Variants in PPP1R1C observed in about 807,000 individuals in gnomAD.
PPP1R1C encodes the protein protein phosphatase 1 regulatory subunit 1C.
Under a neutral mutation model 17.4 loss-of-function variants are expected in PPP1R1C, and 15 were observed. The observed-to-expected ratio is 0.86, with a 90% CI of 0.58 to 1.33. The LOEUF is 1.33. Among genes scored for constraint, PPP1R1C ranks in the 40% most tolerant of loss-of-function variants. The pLI, the probability that PPP1R1C is intolerant of heterozygous loss-of-function variation, is 0.00. For synonymous variants in PPP1R1C, 35 were observed against 43.1 expected (o/e 0.81, Z 0.73); for missense variants, 143 against 130.0 (o/e 1.10, Z -0.48).
At chr2:182,124,328 T>TTTTTTTTTTTTG (rs1689817983) in intron 5 of PPP1R1C, among the ~76,000 whole-genome samples, 6 of 55,632 alleles carry the variant, frequency 1.1e-4, no homozygotes, top group Admixed American at 5.6e-4. Flanking sequence ...TTTTTTTTTG[T>TTTTTTTTTTTTG]TTTTTTTTTT....
intron 4 of PPP1R1C, among the ~76,000 whole-genome samples, chr2:182,076,642 C>T (rs1688322304): frequency 6.6e-6 from 1 of 151,988 alleles, no homozygotes; most frequent in Non-Finnish European, 1.5e-5. Context: ...ACCATTATTC[C>T]TTGATGTAAT....
Position 182,054,363 on chromosome 2 carries a change from T to C in PPP1R1C, c.143-7079T>C, listed in dbSNP as rs941031590. On this transcript the variant is annotated intron_variant, in intron 2 of 4. Coordinates refer to ENST00000682840, the MANE Select transcript of PPP1R1C (RefSeq NM_001080545.3). ...ATTTTATCTCTTATGTAGATTTGTA[T>C]ACCTACTATGGCAATCAAATAGAAT... 3.9e-5 allele frequency among the ~76,000 whole-genome samples: 6 copies of C among 152,186 alleles called. No individual in the cohort carries two copies. The East Asian group carries it at 9.6e-4, about 24-fold the overall frequency.
chr2:182,033,072 C>G (rs1248469582), intron 2 of PPP1R1C, among the ~76,000 whole-genome samples: 2 of 152,120 alleles, frequency 1.3e-5, no homozygotes, highest in South Asian at 2.1e-4. Context: ...CCAATAATTG[C>G]CAAATCCAGT....
At chr2:182,014,630 C>A (rs550964979) in intron 2 of PPP1R1C, among the ~76,000 whole-genome samples, 1 of 151,768 alleles carries the variant, frequency 6.6e-6, no homozygotes, top group Non-Finnish European at 1.5e-5. Context: ...CCCTTCACAG[C>A]GGCAAACCCT....
At chr2:182,029,172 C>G (rs1686727640) in intron 2 of PPP1R1C, among the ~76,000 whole-genome samples, 1 of 147,562 alleles carries the variant, frequency 6.8e-6, no homozygotes, top group Non-Finnish European at 1.5e-5. Context: ...ATCCAATTTG[C>G]CAGTCTGTGT....
intron 2 of PPP1R1C, among the ~76,000 whole-genome samples, chr2:182,050,347 T>C (rs1687472223): frequency 6.6e-6 from 1 of 152,222 alleles, no homozygotes; most frequent in Admixed American, 6.5e-5. Context: ...CATCTGTTTA[T>C]ACCACCTTGC....
chr2:181,973,191 G>A (rs1169279867), intron 1 of PPP1R1C, among the ~76,000 whole-genome samples: 1 of 152,098 alleles, frequency 6.6e-6, no homozygotes, highest in Non-Finnish European at 1.5e-5. Flanking sequence ...CCAAGACACA[G>A]AGGCAAATGC....
intron 2 of PPP1R1C, among the ~76,000 whole-genome samples, chr2:182,026,887 G>T (rs1308466523): frequency 6.8e-6 from 1 of 146,304 alleles, no homozygotes; most frequent in Non-Finnish European, 1.5e-5. Flanking sequence ...TTATTTCCTT[G>T]AGCAGTGGTT....
At chr2:182,023,291 G>C (rs995284914) in intron 2 of PPP1R1C, among the ~76,000 whole-genome samples, 1 of 151,866 alleles carries the variant, frequency 6.6e-6, no homozygotes, top group African/African-American at 2.4e-5. Flanking sequence ...TACCAAAATG[G>C]TACCACTACT....
At position 182,027,662 on chromosome 2, in the gene PPP1R1C, C is replaced by G. The variant is rs1038464807; in HGVS notation, c.143-33780C>G. Among the ~76,000 whole-genome samples the G allele has an allele frequency of 5.5e-3, 808 of 147,434 alleles. 14 individuals carry two copies. Among genetic ancestry groups the G allele is most frequent in the African/African-American group, 0.02 (780 of 38,706 alleles). On this transcript the variant is annotated intron_variant, in intron 2 of 4. Transcript: ENST00000682840. The stretch of plus-strand genomic sequence containing the variant: ...ATCAATGTTCATCAAGGATATTGGT[C>G]TAAAATTCTCTTTTTTGGTTGTGTC...
At chr2:182,112,711 A>C (rs1250385670) in intron 4 of PPP1R1C, among the ~76,000 whole-genome samples, 1 of 152,076 alleles carries the variant, frequency 6.6e-6, no homozygotes, top group East Asian at 1.9e-4. Context: ...CAGATCAGAG[A>C]CCCCACTGAG....
At chr2:182,019,890 A>G (rs187789113) in intron 2 of PPP1R1C, among the ~76,000 whole-genome samples, 9 of 152,324 alleles carry the variant, frequency 5.9e-5, no homozygotes, top group Admixed American at 3.9e-4. Context: ...AACTAATTTG[A>G]TGAAGTGTTC....
Position 181,987,941 on chromosome 2 carries a change from G to C in PPP1R1C, c.142+42G>C, listed in dbSNP as rs777199064. 7 of 1,525,814 alleles carry C rather than the reference G, an allele frequency of 4.6e-6. No individual in the cohort carries two copies. The South Asian group carries it at 7.1e-5, about 15-fold the overall frequency. The allele number at this position is 1,525,814 out of a possible 1,614,324, so 94.5% of individuals were successfully genotyped here. A position where few individuals can be genotyped will look rare whatever the true frequency, so the allele number is the denominator to read the frequency against. ...TGTTTCACACTGATGGAACAGAATG[G>C]AATTGTTTAAAGAACATCAAAGTAC... is the stretch of plus-strand genomic sequence containing the variant. On this transcript the variant is annotated intron_variant, in intron 2 of 4. Transcript: ENST00000682840.
At chr2:182,010,381 G>C (rs1686054854) in intron 2 of PPP1R1C, among the ~76,000 whole-genome samples, 1 of 151,552 alleles carries the variant, frequency 6.6e-6, no homozygotes. Context: ...TTTATTTGTA[G>C]CTATTTTAAA....
intron 2 of PPP1R1C, among the ~76,000 whole-genome samples, chr2:182,038,974 A>G (rs1444757884): frequency 1.3e-5 from 2 of 152,206 alleles, no homozygotes; most frequent in Non-Finnish European, 2.9e-5. Context: ...TTTTATTTAA[A>G]CTGTGTAAGC....
At chr2:182,032,162 C>T (rs1477541326) in intron 2 of PPP1R1C, among the ~76,000 whole-genome samples, 1 of 152,208 alleles carries the variant, frequency 6.6e-6, no homozygotes, top group East Asian at 1.9e-4. Flanking sequence ...GTTCATAGTT[C>T]AGCCAAAAGT....
intron 5 of PPP1R1C, among the ~76,000 whole-genome samples, chr2:182,124,342 T>G (rs1437081018): frequency 8.8e-5 from 12 of 135,930 alleles, no homozygotes; most frequent in African/African-American, 1.8e-4. Flanking sequence ...TTTTTTTGTT[T>G]TTTTTTTTTT....
chr2:181,981,218 G>A (rs961383483), upstream of PPP1R1C, among the ~76,000 whole-genome samples: 1 of 152,092 alleles, frequency 6.6e-6, no homozygotes. Flanking sequence ...GTGAGCCACC[G>A]TGCCCGGCCA....
chr2:182,116,538 G>T (rs1044975127), intron 4 of PPP1R1C, among the ~76,000 whole-genome samples: 2 of 152,094 alleles, frequency 1.3e-5, no homozygotes, highest in Admixed American at 1.3e-4. Context: ...GCCTGGAGTA[G>T]CCCGGGGGAA....
Sources: allele counts gnomAD v4.1 joint callset (sites outside exome capture counted in the v4.1 genomes callset), GRCh38; gene constraint gnomAD v4.1.1; transcripts MANE v1.5; gene names NCBI Gene and HGNC (gene_info 2026-07-23, HGNC 2026-07-21).